ACTR3C: variants seen among roughly 807,000 people sequenced by gnomAD.
The protein encoded by ACTR3C is actin related protein 3C, also known as actin-related protein 3C.
Under a neutral mutation model 26.3 loss-of-function variants are expected in ACTR3C, and 18 were observed. The ratio of observed to expected loss-of-function variants is 0.68; its 90% CI spans 0.47 to 1.01. The LOEUF (loss-of-function observed/expected upper bound fraction) is 1.01. Ranked by LOEUF, ACTR3C falls within the 50% of genes least tolerant of loss-of-function variation. ACTR3C has a pLI of 0.00. For synonymous variants in ACTR3C, 55 were observed against 94.5 expected, an observed-to-expected ratio of 0.58 and a Z score of 2.42; for missense variants, 184 against 250.7, an observed-to-expected ratio of 0.73 and a Z score of 1.80.
At chr7:149,967,486 C>A in the ACTR3C span, among the ~76,000 whole-genome samples, 6 of 152,104 alleles carry the variant, frequency 3.9e-5, no homozygotes, top group South Asian at 1.0e-3. Flanking sequence ...TCTATGTTTT[C>A]AAAAGGTTAA....
the ACTR3C span, among the ~76,000 whole-genome samples, chr7:150,007,239 T>A: frequency 6.6e-6 from 1 of 152,176 alleles, no homozygotes; most frequent in South Asian, 2.1e-4. Flanking sequence ...TGGAAGAGTC[T>A]GAGGAACTGA....
chr7:149,886,085 T>C, the ACTR3C span, among the ~76,000 whole-genome samples: 1 of 152,262 alleles, frequency 6.6e-6, no homozygotes, highest in South Asian at 2.1e-4. Context: ...AGTGCTCAAC[T>C]GGTCGATAAA....
intron 6 of ACTR3C, among the ~76,000 whole-genome samples, chr7:150,275,399 G>A (rs531265810): frequency 3.9e-5 from 6 of 152,342 alleles, no homozygotes; most frequent in Non-Finnish European, 7.3e-5. Flanking sequence ...AAATAAAAGG[G>A]AAAGATGAAG....
chr7:150,123,338 C>T, the ACTR3C span, among the ~76,000 whole-genome samples: 30 of 152,124 alleles, frequency 2.0e-4, no homozygotes, highest in Middle Eastern at 3.4e-3. Context: ...GACCTAGAGA[C>T]AGATGCACGT....
chr7:150,322,571 G>A (rs1190675499), intron 1 of ACTR3C: 1 of 152,232 alleles, frequency 6.6e-6, no homozygotes, highest in African/African-American at 2.4e-5. Flanking sequence ...GGAAGCCTCA[G>A]TTCCGGGAAC....
At chr7:150,067,238 G>T in the ACTR3C span, among the ~76,000 whole-genome samples, 1 of 152,192 alleles carries the variant, frequency 6.6e-6, no homozygotes, top group Non-Finnish European at 1.5e-5. Flanking sequence ...ATGCTGGATG[G>T]GGACTTGGAA....
At chr7:150,259,363 A>T (rs1438082072) in intron 6 of ACTR3C, among the ~76,000 whole-genome samples, 1 of 152,084 alleles carries the variant, frequency 6.6e-6, no homozygotes, top group Non-Finnish European at 1.5e-5. Context: ...GAAAGAAAGA[A>T]ATCTGAATTC....
the ACTR3C span, among the ~76,000 whole-genome samples, chr7:149,949,645 T>C: frequency 1.4e-5 from 2 of 146,944 alleles, no homozygotes; most frequent in Non-Finnish European, 2.9e-5. Flanking sequence ...GTGAGAACCA[T>C]GGAGACCCTT....
At chr7:149,976,466 C>T in the ACTR3C span, among the ~76,000 whole-genome samples, 2 of 151,226 alleles carry the variant, frequency 1.3e-5, no homozygotes, top group Non-Finnish European at 2.9e-5. Flanking sequence ...CCCAGCTACT[C>T]AGGAGGCTGA....
At chr7:150,231,686 T>C in the ACTR3C span, among the ~76,000 whole-genome samples, 62 of 151,940 alleles carry the variant, frequency 4.1e-4, no homozygotes, top group African/African-American at 1.3e-3. Context: ...TAGCTACTTT[T>C]CTGTTCCCGA....
At chr7:150,192,278 T>A in the ACTR3C span, among the ~76,000 whole-genome samples, 9 of 151,798 alleles carry the variant, frequency 5.9e-5, no homozygotes, top group African/African-American at 1.9e-4. Context: ...TTTTAGAATA[T>A]GTTGAATAAC....
the ACTR3C span, among the ~76,000 whole-genome samples, chr7:150,103,385 T>C: frequency 2.0e-5 from 3 of 152,032 alleles, no homozygotes; most frequent in Admixed American, 6.6e-5. Flanking sequence ...GTTTGAGCTC[T>C]TCTGAGCTTC....
the ACTR3C span, among the ~76,000 whole-genome samples, chr7:150,065,434 T>C: frequency 1.3e-5 from 2 of 152,230 alleles, no homozygotes; most frequent in Admixed American, 6.5e-5. Context: ...GACCACATCA[T>C]AGTTCTTTAT....
At chr7:149,921,120 A>G in the ACTR3C span, among the ~76,000 whole-genome samples, 2 of 152,192 alleles carry the variant, frequency 1.3e-5, no homozygotes, top group Non-Finnish European at 2.9e-5. Context: ...AATTTTTTCC[A>G]GTTCACAGTG....
At chr7:150,223,295 T>C in the ACTR3C span, among the ~76,000 whole-genome samples, 1 of 152,134 alleles carries the variant, frequency 6.6e-6, no homozygotes, top group African/African-American at 2.4e-5. Flanking sequence ...GGATGTACCA[T>C]TATTAATTTA....
chr7:150,308,859 T>C (rs1796037310), intron 1 of ACTR3C, among the ~76,000 whole-genome samples: 1 of 152,302 alleles, frequency 6.6e-6, no homozygotes, highest in East Asian at 1.9e-4. Context: ...CATGTACCTT[T>C]TTCTCTATCA....
At chr7:150,026,175 C>A in the ACTR3C span, among the ~76,000 whole-genome samples, 2 of 152,012 alleles carry the variant, frequency 1.3e-5, no homozygotes, top group Non-Finnish European at 2.9e-5. Context: ...AAAAATACAA[C>A]CAGTATGAAT....
the ACTR3C span, among the ~76,000 whole-genome samples, chr7:150,192,107 TA>T: frequency 6.6e-6 from 1 of 151,152 alleles, no homozygotes; most frequent in African/African-American, 2.4e-5. Flanking sequence ...TCTTTTTATA[TA>T]TTGCTGGATT....
chr7:150,086,176 G>A, the ACTR3C span, among the ~76,000 whole-genome samples: 1 of 152,018 alleles, frequency 6.6e-6, no homozygotes, highest in Non-Finnish European at 1.5e-5. Context: ...TAGAGCTGGG[G>A]TTTCACCATG....
Sources: gnomAD v4.1 joint callset for allele counts (sites outside exome capture counted in the v4.1 genomes callset) on GRCh38, gnomAD v4.1.1 for gene constraint, MANE v1.5 for transcripts, NCBI Gene and HGNC (gene_info 2026-07-23, HGNC 2026-07-21) for gene names.